KCTD16: variants seen among roughly 807,000 people sequenced by gnomAD.
KCTD16 encodes the protein BTB/POZ domain-containing protein KCTD16.
A neutral mutation model predicts 33.2 loss-of-function variants in KCTD16; 13 were observed. That is an observed-to-expected ratio of 0.39 (90% CI 0.25 to 0.62). The LOEUF (loss-of-function observed/expected upper bound fraction) is 0.62, where lower values mean the gene tolerates loss of function less well. Among genes scored for constraint, KCTD16 ranks in the 20% least tolerant of loss-of-function variants. The pLI is 0.50. For synonymous variants in KCTD16, 197 were observed against 195.3 expected (o/e 1.01, Z -0.07); for missense variants, 441 against 525.1 (o/e 0.84, Z 1.57).
At chr5:144,309,399 C>G (rs1338828101) in intron 3 of KCTD16, among the ~76,000 whole-genome samples, 1 of 150,782 alleles carries the variant, frequency 6.6e-6, no homozygotes, top group Admixed American at 6.6e-5. Flanking sequence ...AAGATAATAG[C>G]AGTTCAAGGT....
chr5:144,182,085 CAAA>C (rs371259746), intron 2 of KCTD16, among the ~76,000 whole-genome samples: 2 of 119,412 alleles, frequency 1.7e-5, no homozygotes. Context: ...AACTCCATCT[CAAA>C]AAAAAAAAAA....
At chr5:144,395,293 G>A (rs1296939989) in intron 3 of KCTD16, among the ~76,000 whole-genome samples, 1 of 152,116 alleles carries the variant, frequency 6.6e-6, no homozygotes, top group Non-Finnish European at 1.5e-5. Context: ...ATGGGGAGGC[G>A]ATATGTCCGT....
At chr5:144,282,801 A>G (rs1755642489) in intron 3 of KCTD16, among the ~76,000 whole-genome samples, 1 of 152,194 alleles carries the variant, frequency 6.6e-6, no homozygotes, top group African/African-American at 2.4e-5. Context: ...GAGAGAAGTA[A>G]GAAAGACTCT....
intron 3 of KCTD16, among the ~76,000 whole-genome samples, chr5:144,379,633 T>C (rs1752166446): frequency 6.6e-6 from 1 of 152,178 alleles, no homozygotes; most frequent in South Asian, 2.1e-4. Context: ...CAGGTTTCTT[T>C]GTATGGGTAT....
At chr5:144,182,305 A>G (rs1554079207) in intron 2 of KCTD16, among the ~76,000 whole-genome samples, 2 of 152,248 alleles carry the variant, frequency 1.3e-5, no homozygotes, top group Non-Finnish European at 2.9e-5. Context: ...CACAGCCTCC[A>G]GAATGATAAG....
At chr5:144,330,330 T>C (rs1479817494) in intron 3 of KCTD16, among the ~76,000 whole-genome samples, 1 of 150,928 alleles carries the variant, frequency 6.6e-6, no homozygotes, top group African/African-American at 2.4e-5. Context: ...GGAGAATTGC[T>C]TCAACCTGGG....
intron 3 of KCTD16, among the ~76,000 whole-genome samples, chr5:144,411,592 C>T (rs1048908748): frequency 6.6e-6 from 1 of 152,026 alleles, no homozygotes; most frequent in African/African-American, 2.4e-5. Context: ...TAGAGAAAAA[C>T]CTAGAAGAAA....
intron 2 of KCTD16, among the ~76,000 whole-genome samples, chr5:144,184,581 T>C (rs992589353): frequency 1.3e-5 from 2 of 152,320 alleles, no homozygotes; most frequent in Admixed American, 1.3e-4. Flanking sequence ...TTTGAGAAAC[T>C]GCCATACTGT....
At chr5:144,473,479 C>A (rs188380824) in intron 3 of KCTD16, among the ~76,000 whole-genome samples, 181 bp from the exon 4 acceptor site, 1 of 152,116 alleles carries the variant, frequency 6.6e-6, no homozygotes, top group Non-Finnish European at 1.5e-5. Flanking sequence ...TTCCTCCCCT[C>A]GTGGACTTGG....
In KCTD16 at chr5:144,268,398, C is replaced by A. The variant is rs148287904; in HGVS notation, c.832+60852C>A. Among the ~76,000 whole-genome samples, 812 of 152,218 alleles carry A rather than the reference C, an allele frequency of 5.3e-3. 1 individual carries two copies. Among genetic ancestry groups the A allele is most frequent in the Middle Eastern group, 0.01 (3 of 294 alleles). On this transcript the variant is annotated intron_variant, in intron 3 of 3. Coordinates refer to ENST00000512467, the MANE Select transcript of KCTD16 (RefSeq NM_020768.4). ...GCTAGAGCACCCTTTTTTTCTACCC[C>A]CTTTTTGTCTCTTCCCAGTTGGGAG...
intron 3 of KCTD16, among the ~76,000 whole-genome samples, chr5:144,295,268 G>A (rs1756004229): frequency 6.6e-6 from 1 of 152,188 alleles, no homozygotes; most frequent in African/African-American, 2.4e-5. Flanking sequence ...CCATTTGTTT[G>A]CTCCAGTGCC....
intron 3 of KCTD16, among the ~76,000 whole-genome samples, chr5:144,291,389 A>G (rs960048054): frequency 2.0e-5 from 3 of 152,160 alleles, no homozygotes; most frequent in African/African-American, 7.2e-5. Context: ...TCTCAGATCA[A>G]TTTTATAGTT....
chr5:144,372,423 C>T (rs771459423), intron 3 of KCTD16, among the ~76,000 whole-genome samples: 17 of 152,222 alleles, frequency 1.1e-4, no homozygotes, highest in African/African-American at 2.2e-4. Context: ...CAAACATACA[C>T]GGAAGATAGT....
intron 3 of KCTD16, among the ~76,000 whole-genome samples, chr5:144,393,910 A>AT (rs1271501745): frequency 4.3e-5 from 5 of 116,948 alleles, no homozygotes; most frequent in Admixed American, 3.9e-4. Context: ...GAATTTTATT[A>AT]TTTTTTTCAT....
intron 3 of KCTD16, among the ~76,000 whole-genome samples, chr5:144,387,059 C>T (rs994703809): frequency 2.6e-5 from 4 of 151,950 alleles, no homozygotes; most frequent in East Asian, 3.9e-4. Flanking sequence ...CTCAGTCTCC[C>T]AGGCTCAAGA....
chr5:144,177,588 C>T (rs765748794), intron 2 of KCTD16, among the ~76,000 whole-genome samples: 1 of 152,126 alleles, frequency 6.6e-6, no homozygotes, highest in Non-Finnish European at 1.5e-5. Flanking sequence ...TGCATCAGTC[C>T]AATCTCTGCC....
intron 3 of KCTD16, among the ~76,000 whole-genome samples, chr5:144,473,054 A>G (rs1754513017): frequency 6.6e-6 from 1 of 152,186 alleles, no homozygotes; most frequent in South Asian, 2.1e-4. Context: ...CTGAATTAAC[A>G]GAGTTTTTGT....
At chr5:144,217,644 G>A (rs1753606407) in intron 3 of KCTD16, among the ~76,000 whole-genome samples, 1 of 152,064 alleles carries the variant, frequency 6.6e-6, no homozygotes, top group African/African-American at 2.4e-5. Flanking sequence ...TTTTCTGTAG[G>A]CCTGTTCAGT....
At chr5:144,335,759 C>T (rs1194614886) in intron 3 of KCTD16, among the ~76,000 whole-genome samples, 1 of 152,052 alleles carries the variant, frequency 6.6e-6, no homozygotes, top group East Asian at 1.9e-4. Flanking sequence ...GTGAGCAAAG[C>T]TCTGGGAGAG....
Sources: gnomAD v4.1 joint callset for allele counts (sites outside exome capture counted in the v4.1 genomes callset) on GRCh38, gnomAD v4.1.1 for gene constraint, MANE v1.5 for transcripts, NCBI Gene and HGNC (gene_info 2026-07-23, HGNC 2026-07-21) for gene names.